CHD6: variants seen among roughly 807,000 people sequenced by gnomAD.
The protein encoded by CHD6 is chromodomain helicase DNA binding protein 6, also known as ATP-dependent chromatin remodeler CHD6.
A neutral mutation model predicts 276.9 loss-of-function variants in CHD6; 50 were observed. The ratio of observed to expected loss-of-function variants is 0.18; its 90% confidence interval spans 0.14 to 0.23. The LOEUF is 0.23. Ranked by LOEUF, CHD6 falls within the 10% of genes least tolerant of loss-of-function variation. The pLI is 1.00. For synonymous variants in CHD6, 1,173 were observed against 1,229.3 expected, an observed-to-expected ratio of 0.95 and a Z score of 0.96; for missense variants, 2,564 against 3,365.8, an observed-to-expected ratio of 0.76 and a Z score of 5.89.
intron 1 of CHD6, among the ~76,000 whole-genome samples, chr20:41,584,564 C>T (rs1446320514): frequency 6.6e-6 from 1 of 152,042 alleles, no homozygotes; most frequent in African/African-American, 2.4e-5. Flanking sequence ...CCAATACAGC[C>T]TATATTCTTG....
chr20:41,569,726 A>T (rs1205479128), intron 1 of CHD6, among the ~76,000 whole-genome samples: 2 of 152,234 alleles, frequency 1.3e-5, no homozygotes, highest in African/African-American at 4.8e-5. Flanking sequence ...AAAATATAAA[A>T]TTTTTAAAAA....
At chr20:41,477,987 A>G (rs1031445592) in intron 16 of CHD6, among the ~76,000 whole-genome samples, 43 of 152,204 alleles carry the variant, frequency 2.8e-4, no homozygotes, top group African/African-American at 9.2e-4. Context: ...AAAGAGACAG[A>G]GATAGTGGGA....
At chr20:41,545,725 T>C (rs1039266272) in intron 2 of CHD6, among the ~76,000 whole-genome samples, 1 of 152,166 alleles carries the variant, frequency 6.6e-6, no homozygotes, top group Admixed American at 6.5e-5. Context: ...AGTTCACCCT[T>C]GGTCACCACC....
At chr20:41,429,315 TAGA>T (rs1268614865) in intron 27 of CHD6, among the ~76,000 whole-genome samples, 1 of 152,248 alleles carries the variant, frequency 6.6e-6, no homozygotes, top group East Asian at 1.9e-4. Flanking sequence ...CTAACTGCTT[TAGA>T]AGGTTTCTGT....
chr20:41,573,406 C>G (rs1252176709), intron 1 of CHD6, among the ~76,000 whole-genome samples: 1 of 152,206 alleles, frequency 6.6e-6, no homozygotes, highest in African/African-American at 2.4e-5. Context: ...CCATTTTATG[C>G]AACCTAAATT....
intron 27 of CHD6, among the ~76,000 whole-genome samples, chr20:41,430,169 G>A (rs758012788): frequency 1.3e-5 from 2 of 152,166 alleles, no homozygotes; most frequent in Admixed American, 6.5e-5. Context: ...TAGAAGTAAA[G>A]GTGAATCCGT....
intron 17 of CHD6, chr20:41,462,058 G>T (rs117728960): frequency 6.6e-6 from 1 of 152,172 alleles, no homozygotes; most frequent in East Asian, 1.9e-4. Flanking sequence ...CCTAGAGGTG[G>T]TCCCTGCTAC....
intron 1 of CHD6, among the ~76,000 whole-genome samples, chr20:41,590,290 G>A (rs144850356): frequency 0.033 from 4,961 of 152,262 alleles, 119 homozygotes; most frequent in South Asian, 0.068. Context: ...ATACCATGCA[G>A]GACACAGGCA....
At chr20:41,564,045 AAC>A in intron 1 of CHD6, 1 of 779,572 alleles carries the variant, frequency 1.3e-6, no homozygotes, top group Middle Eastern at 2.3e-4. Context: ...CTGGGTTCTG[AAC>A]ACAAGCGTTG....
At chr20:41,588,010 A>G (rs1041755170) in intron 1 of CHD6, among the ~76,000 whole-genome samples, 1 of 152,086 alleles carries the variant, frequency 6.6e-6, no homozygotes, top group African/African-American at 2.4e-5. Context: ...GAGGGAGCAT[A>G]GTGTATAAGC....
chr20:41,410,015 G>A (rs548633977), intron 36 of CHD6, among the ~76,000 whole-genome samples: 82 of 152,274 alleles, frequency 5.4e-4, no homozygotes, highest in African/African-American at 1.8e-3. Flanking sequence ...CATGCAGCCC[G>A]CGCAATGATA....
At chr20:41,498,570 T>G (rs2043742724) in intron 6 of CHD6, among the ~76,000 whole-genome samples, 1 of 152,124 alleles carries the variant, frequency 6.6e-6, no homozygotes, top group African/African-American at 2.4e-5. Context: ...CACTAACGCT[T>G]CACTTCTGAA....
intron 2 of CHD6, chr20:41,547,512 A>T: frequency 2.4e-6 from 1 of 411,924 alleles, no homozygotes; most frequent in South Asian, 1.9e-5. Flanking sequence ...ACTGGCTCCC[A>T]GGATAAGACC....
intron 2 of CHD6, among the ~76,000 whole-genome samples, chr20:41,543,165 T>C (rs1325845535): frequency 1.3e-5 from 2 of 151,792 alleles, no homozygotes; most frequent in African/African-American, 4.8e-5. Flanking sequence ...AAATGGGTAT[T>C]AGGAAGATAC....
Position 41,402,653 on chromosome 20 carries a change from T to G in CHD6, c.*1940A>C, listed in dbSNP as rs1047772. ...AGGGCAAATACATTTTTTTTTCTAC[T>G]TGATAAAAAGAAAATTAGTACTTAA... On this transcript the variant is annotated 3_prime_UTR_variant, in exon 37 of 37. Transcript: ENST00000373233. The G allele has an allele frequency of 0.13, 28,940 of 218,854 alleles. 2,234 individuals carry two copies. Among genetic ancestry groups the G allele is most frequent in the East Asian group, 0.21 (3,070 of 14,636 alleles). 13.6% of individuals were successfully genotyped at this position (218,854 alleles called of 1,614,324 possible). A position where few individuals can be genotyped will look rare whatever the true frequency, so the allele number is the denominator to read the frequency against.
chr20:41,445,993 G>A (rs2048055754), intron 24 of CHD6, among the ~76,000 whole-genome samples: 1 of 152,174 alleles, frequency 6.6e-6, no homozygotes. Context: ...TTGACAGACT[G>A]ACACAGTCTT....
chr20:41,596,089 T>C (rs899048133), intron 1 of CHD6, among the ~76,000 whole-genome samples: 2 of 152,166 alleles, frequency 1.3e-5, no homozygotes, highest in South Asian at 2.1e-4. Flanking sequence ...CCCTCCACCA[T>C]ATAACCCTGC....
At chr20:41,440,280 T>C in intron 25 of CHD6, 151 bp from the exon 26 acceptor site, 2 of 722,890 alleles carry the variant, frequency 2.8e-6, no homozygotes, top group Non-Finnish European at 4.4e-6. Flanking sequence ...TATAAGACTA[T>C]CAGGGAAAAA....
intron 1 of CHD6, among the ~76,000 whole-genome samples, chr20:41,574,426 T>C (rs1332918209): frequency 6.6e-6 from 1 of 152,216 alleles, no homozygotes. Context: ...TATTATTTAG[T>C]CACTCATACA....
Sources: allele counts gnomAD v4.1 joint callset (sites outside exome capture counted in the v4.1 genomes callset), GRCh38; gene constraint gnomAD v4.1.1; transcripts MANE v1.5; gene names NCBI Gene and HGNC (gene_info 2026-07-23, HGNC 2026-07-21).